The following GCKR variants were observed in gnomAD, a reference collection of about 807,000 sequenced individuals.
GCKR encodes the protein glucokinase regulator.
A neutral mutation model predicts 82.9 loss-of-function variants in GCKR; 73 were observed. The ratio of observed to expected loss-of-function variants is 0.88; its 90% confidence interval spans 0.73 to 1.07. GCKR has a LOEUF of 1.07. Ranked by LOEUF, GCKR falls within the 50% of genes least tolerant of loss-of-function variation. The pLI, the probability that GCKR is intolerant of heterozygous loss-of-function variation, is 0.00. For missense variants in GCKR, 784 were observed against 782.1 expected (o/e 1.00, Z -0.03); for synonymous variants, 294 against 291.8 (o/e 1.01, Z -0.08).
chr2:27,522,892 G>A (rs1670184420), intron 18 of GCKR, among the ~76,000 whole-genome samples: 1 of 135,692 alleles, frequency 7.4e-6, no homozygotes, highest in African/African-American at 2.8e-5. Flanking sequence ...CTCCTCCAGG[G>A]TTCTGTTTTT....
chr2:27,499,020 CTG>C, intron 5 of GCKR, 120 bp from the exon 6 acceptor site: 1 of 745,904 alleles, frequency 1.3e-6, no homozygotes, highest in Non-Finnish European at 2.4e-6. Context: ...CACCAACAAA[CTG>C]TGGGTGCTCA....
intron 7 of GCKR, among the ~76,000 whole-genome samples, chr2:27,500,115 G>C (rs1669540167): frequency 6.6e-6 from 1 of 151,124 alleles, no homozygotes; most frequent in South Asian, 2.1e-4. Context: ...TTGTTTTTGA[G>C]AGTCTCCCTC....
intron 16 of GCKR, among the ~76,000 whole-genome samples, chr2:27,511,918 C>T: frequency 6.6e-6 from 1 of 151,990 alleles, no homozygotes; most frequent in East Asian, 1.9e-4. Flanking sequence ...ATATTTGCTT[C>T]ATCTCTTTCT....
At chr2:27,519,086 C>T (rs1670085938) in intron 17 of GCKR, 149 bp downstream of exon 17, 3 of 681,606 alleles carry the variant, frequency 4.4e-6, no homozygotes, top group Non-Finnish European at 7.7e-6. Context: ...TGCATCTTCC[C>T]CTTAAGGAGT....
intron 3 of GCKR, among the ~76,000 whole-genome samples, 173 bp downstream of exon 3, chr2:27,497,803 C>T (rs1312610044): frequency 1.3e-5 from 2 of 152,178 alleles, no homozygotes; most frequent in Non-Finnish European, 2.9e-5. Flanking sequence ...AACTTCTCTG[C>T]TTAATACTTT....
At chr2:27,499,977 C>T (rs997903873) in intron 7 of GCKR, among the ~76,000 whole-genome samples, 2 of 151,726 alleles carry the variant, frequency 1.3e-5, no homozygotes, top group Non-Finnish European at 2.9e-5. Flanking sequence ...AGGCTGGTCT[C>T]GAACTCCTGA....
intron 16 of GCKR, 56 bp from the exon 17 acceptor site, chr2:27,518,732 T>C (rs1670071927): frequency 2.8e-6 from 4 of 1,448,054 alleles, no homozygotes; most frequent in Admixed American, 1.7e-5. Context: ...CCCTGTTCAC[T>C]CTGCTGCTTT....
At chr2:27,497,504 C>G in intron 2 of GCKR, 58 bp from the exon 3 acceptor site, 1 of 1,561,600 alleles carries the variant, frequency 6.4e-7, no homozygotes, top group Non-Finnish European at 8.8e-7. Flanking sequence ...CCTGAGACCC[C>G]CTCCCCCATT....
intron 16 of GCKR, among the ~76,000 whole-genome samples, chr2:27,517,856 A>G (rs1670047454): frequency 6.6e-6 from 1 of 152,144 alleles, no homozygotes; most frequent in Admixed American, 6.6e-5. Context: ...ATTTGTGGCA[A>G]AGTAGGAAAT....
At chr2:27,504,578 C>G (rs1446775312) in intron 9 of GCKR, among the ~76,000 whole-genome samples, 1 of 151,786 alleles carries the variant, frequency 6.6e-6, no homozygotes, top group Admixed American at 6.6e-5. Context: ...GAACTCCTGA[C>G]CTCAGGTGAT....
At chr2:27,503,039 C>T (rs1669624721) in intron 8 of GCKR, among the ~76,000 whole-genome samples, 1 of 152,216 alleles carries the variant, frequency 6.6e-6, no homozygotes, top group Non-Finnish European at 1.5e-5. Flanking sequence ...AGCTTGGTTC[C>T]CTCACTGTTA....
chr2:27,523,282 C>T lies in GCKR; in HGVS notation c.1721C>T (p.Ala574Val). The part of the protein sequence containing the change: ...AHEKEQVIPI[A>V]LLSLLFRCSI... ...TCTTCCCCACAGGTGATACCCATCG[C>T]CTTGCTGAGCCTCCTATTCCGGTGC... The change falls in exon 19 of 19, where the codon GCC (alanine) becomes GTC (valine). Residue 574 changes from alanine to valine, a missense_variant. By Grantham distance (64) the Ala-to-Val change is moderately conservative. Coordinates refer to ENST00000264717, the MANE Select transcript of GCKR (RefSeq NM_001486.4). 6.2e-7 allele frequency: 1 copy of T among 1,612,780 alleles called. No homozygotes were observed. Among genetic ancestry groups the T allele is most frequent in the African/African-American group, 1.3e-5 (1 of 75,044 alleles).
rs1229030374 is a variant in GCKR at position 27,498,278 on chromosome 2, G to C, written c.309G>C (p.Val103=). 6.2e-7 allele frequency: 1 copy of C among 1,613,706 alleles called. No homozygotes were observed. The highest frequency in any genetic ancestry group is 1.7e-5 in the Admixed American group (1 of 60,006). Reference sequence around the variant, plus strand: ...AGGAGCCAGATGGGGGGCTGGTTGTGCTGAGTGGAGGGGGCACCTCTGGCC... The same window carrying C: ...AGGAGCCAGATGGGGGGCTGGTTGTCCTGAGTGGAGGGGGCACCTCTGGCC... ...VLKEPDGGLV[V]LSGGGTSGRM... is the part of the protein sequence containing the mutation. The change falls in exon 4 of 19, where the codon GTG becomes GTC. Residue 103 remains valine, a synonymous_variant. Coordinates refer to ENST00000264717, the MANE Select transcript of GCKR (RefSeq NM_001486.4).
intron 8 of GCKR, 78 bp from the exon 9 acceptor site, chr2:27,503,436 G>T: frequency 1.2e-6 from 1 of 800,904 alleles, no homozygotes; most frequent in South Asian, 1.4e-5. Flanking sequence ...TGCAGTCTTT[G>T]ATCATGACTC....
intron 2 of GCKR, 80 bp downstream of exon 2, chr2:27,497,479 C>T: frequency 1.3e-6 from 2 of 1,582,526 alleles, no homozygotes; most frequent in South Asian, 1.1e-5. Flanking sequence ...CACCATGGCT[C>T]CTAATATCGG....
chr2:27,510,625 T>C (rs1374057354), intron 16 of GCKR, among the ~76,000 whole-genome samples: 1 of 152,204 alleles, frequency 6.6e-6, no homozygotes, highest in Non-Finnish European at 1.5e-5. Context: ...ACATACTGGA[T>C]AGCATCCTTA....
intron 6 of GCKR, 91 bp from the exon 7 acceptor site, chr2:27,499,306 T>TC: frequency 7.4e-7 from 1 of 1,342,848 alleles, no homozygotes; most frequent in Non-Finnish European, 1.1e-6. Flanking sequence ...ATTTCCTCCC[T>TC]CCCCTGTTCC....
Position 27,506,892 on chromosome 2 carries a change from C to T in GCKR, c.1066+7C>T. 2 of 1,560,320 alleles carry T rather than the reference C, an allele frequency of 1.3e-6. No homozygotes were observed. Among genetic ancestry groups the T allele is most frequent in the Non-Finnish European group, 1.8e-6 (2 of 1,130,890 alleles). Reference sequence around the variant, plus strand: ...ATCCACACCTTTGGTGCTGGTGGGACCCCAGTCCAGATGTTCTTCCTGCTT... The same window carrying T: ...ATCCACACCTTTGGTGCTGGTGGGATCCCAGTCCAGATGTTCTTCCTGCTT... On this transcript the variant is annotated splice_region_variant and intron_variant, in intron 12 of 18. Coordinates refer to ENST00000264717, the MANE Select transcript of GCKR (RefSeq NM_001486.4).
intron 3 of GCKR, among the ~76,000 whole-genome samples, chr2:27,497,840 A>C (rs1018796694): frequency 7.2e-5 from 11 of 152,148 alleles, no homozygotes; most frequent in African/African-American, 2.7e-4. Flanking sequence ...TTTCACACCT[A>C]TTACCCTCAC....
Sources: allele counts gnomAD v4.1 joint callset (sites outside exome capture counted in the v4.1 genomes callset), GRCh38; gene constraint gnomAD v4.1.1; transcripts MANE v1.5; gene names NCBI Gene and HGNC (gene_info 2026-07-23, HGNC 2026-07-21).